TRPV5: variants seen among roughly 807,000 people sequenced by gnomAD.
The protein encoded by TRPV5 is calcium transport protein 2.
In TRPV5, 66 loss-of-function variants were observed where a neutral mutation model predicts 74.1. The ratio of observed to expected loss-of-function variants is 0.89; its 90% CI spans 0.73 to 1.09. TRPV5 has a LOEUF of 1.09. TRPV5 is among the 50% of genes least tolerant of loss of function. The pLI, the probability that TRPV5 is intolerant of heterozygous loss-of-function variation, is 0.00. For missense variants in TRPV5, 936 were observed against 930.4 expected (o/e 1.01, Z -0.08); for synonymous variants, 399 against 360.7 (o/e 1.11, Z -1.20).
At chr7:142,925,877 A>G (rs975362855) in intron 7 of TRPV5, 136 bp from the exon 8 acceptor site, 18 of 763,370 alleles carry the variant, frequency 2.4e-5, no homozygotes, top group South Asian at 5.0e-5. Flanking sequence ...GACAAATAGT[A>G]TATTTCCTGC....
chr7:142,908,894 G>C, intron 14 of TRPV5, 86 bp from the exon 15 acceptor site: 7 of 1,363,356 alleles, frequency 5.1e-6, no homozygotes, highest in Non-Finnish European at 6.0e-6. Context: ...AGAAAGCAGG[G>C]TCAAGAGGGA....
At chr7:142,913,103 T>A (rs972769045) in intron 12 of TRPV5, among the ~76,000 whole-genome samples, 1 of 152,198 alleles carries the variant, frequency 6.6e-6, no homozygotes, top group African/African-American at 2.4e-5. Context: ...GAAAACCAAA[T>A]ACTTAAAAGG....
At chr7:142,925,770 G>T (rs1299789554) in intron 7 of TRPV5, 29 bp from the exon 8 acceptor site, 2 of 1,597,078 alleles carry the variant, frequency 1.3e-6, no homozygotes, top group South Asian at 2.2e-5. Context: ...GAAACTTGGG[G>T]TGACCAACAC....
chr7:142,931,254 G>T (rs1316144690), intron 1 of TRPV5, among the ~76,000 whole-genome samples: 2 of 151,902 alleles, frequency 1.3e-5, no homozygotes, highest in Non-Finnish European at 2.9e-5. Flanking sequence ...GAACTCCTGA[G>T]CTCAGGCAAT....
chr7:142,933,533 G>A lies in TRPV5; in HGVS notation c.-74C>T. On this transcript the variant is annotated 5_prime_UTR_variant, in exon 1 of 15. Transcript: ENST00000265310. ...ACAGGTCTAGGATGACAGCAACTGAGCAAGAGATGGGGTCTATTTGGGGCT... is the reference window on the plus strand; with the variant it reads ...ACAGGTCTAGGATGACAGCAACTGAACAAGAGATGGGGTCTATTTGGGGCT... 6.4e-7 allele frequency: 1 copy of A among 1,555,318 alleles called. No individual in the cohort carries two copies. The highest frequency in any genetic ancestry group is 8.7e-7 in the Non-Finnish European group (1 of 1,151,110).
At chr7:142,910,685 C>A (rs764897335) in intron 13 of TRPV5, among the ~76,000 whole-genome samples, 3 of 152,198 alleles carry the variant, frequency 2.0e-5, no homozygotes, top group Non-Finnish European at 4.4e-5. Context: ...AAGTTCCCTC[C>A]TAGCTCAGGA....
chr7:142,914,772 C>T (rs1011817536), intron 11 of TRPV5, 66 bp from the exon 12 acceptor site: 4 of 1,608,698 alleles, frequency 2.5e-6, no homozygotes, highest in Admixed American at 1.7e-5. Flanking sequence ...GCAGCTAACG[C>T]TAACAGATCA....
Position 142,908,450 on chromosome 7 carries a change from T to C in TRPV5, c.*64A>G, listed in dbSNP as rs1462245963. The C allele has an allele frequency of 1.3e-6, 2 of 1,562,150 alleles. No homozygotes were observed. The highest frequency in any genetic ancestry group is 1.7e-5 in the Admixed American group (1 of 58,662). ...AGTTAGACACTTGCATAGGCAGAGG[T>C]CTCCGTCTCTGTCCCCGCCCCCAGG... On this transcript the variant is annotated 3_prime_UTR_variant, in exon 15 of 15. Coordinates refer to ENST00000265310, the MANE Select transcript of TRPV5 (RefSeq NM_019841.7).
chr7:142,928,916 G>T (rs750001671), intron 5 of TRPV5, 50 bp from the exon 6 acceptor site: 1 of 1,611,876 alleles, frequency 6.2e-7, no homozygotes, highest in Non-Finnish European at 8.5e-7. Flanking sequence ...AGTCCCTGAT[G>T]TCCCCATCCC....
chr7:142,924,313 C>G (rs1181633146), intron 8 of TRPV5, among the ~76,000 whole-genome samples: 3 of 24,326 alleles, frequency 1.2e-4, no homozygotes, highest in African/African-American at 3.1e-4. Context: ...TATATATATA[C>G]ACACATATAC....
chr7:142,912,514 C>T lies in TRPV5; in HGVS notation c.1756G>A (p.Ala586Thr). ...CTCCAGAGCTCATCCCTCTCCTGGG[C>T]CACCCTCCAGTGGGTGTCGCCCATC... ...AMMGDTHWRV[A>T]QERDELWRAQ... The change falls in exon 13 of 15, where the codon GCC becomes ACC. Residue 586 changes from alanine (A) to threonine (T), a missense_variant. Transcript: ENST00000265310. The T allele has an allele frequency of 6.2e-7, 1 of 1,614,168 alleles. No homozygotes were observed. The highest frequency in any genetic ancestry group is 1.7e-4 in the Middle Eastern group (1 of 6,058).
At position 142,930,380 on chromosome 7, in the gene TRPV5, T is replaced by G; in HGVS notation, c.195A>C (p.Leu65=). The change falls in exon 2 of 15, where the codon CTA becomes CTC. Residue 65 remains leucine (L), a synonymous_variant. Coordinates refer to ENST00000265310, the MANE Select transcript of TRPV5 (RefSeq NM_019841.7). ...ENDLSVLRQL[L]LDCTCDVRQR... is the part of the protein sequence containing the mutation. ...GTCGAACGTCACAGGTGCAGTCCAG[T>G]AGAAGTTGCCTAAGAACAGACAGGT... 2 of 1,614,152 alleles carry G rather than the reference T, an allele frequency of 1.2e-6. No homozygotes were observed. Among genetic ancestry groups the G allele is most frequent in the Non-Finnish European group, 8.5e-7 (1 of 1,180,024 alleles).
rs267601353 is a variant in TRPV5 at position 142,908,735 on chromosome 7, C to G, written c.1969G>C (p.Glu657Gln). 6.2e-7 allele frequency: 1 copy of G among 1,614,174 alleles called. No individual in the cohort carries two copies. The highest frequency in any genetic ancestry group is 8.5e-7 in the Non-Finnish European group (1 of 1,180,048). Reference sequence around the variant, plus strand: ...TCAGATGGATGCTCCTGGTCATCCTCCTTGTCTGAGTTCTTGAACACTTCC... The same window carrying G: ...TCAGATGGATGCTCCTGGTCATCCTGCTTGTCTGAGTTCTTGAACACTTCC... ...YVEVFKNSDK[E>Q]DDQEHPSEKQ... is the part of the protein sequence containing the mutation. Residue 657 changes from glutamate (E) to glutamine (Q), a missense_variant, in exon 15 of 15, where the codon GAG becomes CAG. Physicochemically the swap from Glu to Gln is conservative, Grantham distance 29. Coordinates refer to ENST00000265310, the MANE Select transcript of TRPV5 (RefSeq NM_019841.7).
rs1795785799 is a variant in TRPV5, at chr7:142,915,756, A to G, written c.1123-188T>C. Among the ~76,000 whole-genome samples, 4 of 152,348 alleles carry G rather than the reference A, an allele frequency of 2.6e-5. No homozygotes were observed. In the South Asian group the frequency reaches 8.3e-4, roughly 32 times the overall value. On this transcript the variant is annotated intron_variant, in intron 8 of 14. Coordinates refer to ENST00000265310, the MANE Select transcript of TRPV5 (RefSeq NM_019841.7). ...ACCAGGACAGGAGTCTATGTATCCA[A>G]GGTTTAATAGACGTCACATATGCTA...
At position 142,915,298 on chromosome 7, in the gene TRPV5, G is replaced by A; in HGVS notation, c.1286+9C>T. The A allele has an allele frequency of 6.2e-7, 1 of 1,610,142 alleles. No individual in the cohort carries two copies. The highest frequency in any genetic ancestry group is 1.1e-5 in the South Asian group (1 of 90,566). ...GAAAGGCAGGGGGCTGGAATGAGGG[G>A]ATACTCACATGATGACATGGAATGG... is the stretch of plus-strand genomic sequence containing the variant. On this transcript the variant is annotated intron_variant, in intron 10 of 14. Transcript: ENST00000265310.
intron 8 of TRPV5, among the ~76,000 whole-genome samples, chr7:142,923,819 C>T (rs758611857): frequency 2.0e-5 from 3 of 152,122 alleles, no homozygotes; most frequent in Admixed American, 1.3e-4. Context: ...GAAAGAGACA[C>T]ACAGGAAGGA....
chr7:142,915,587 A>G lies in TRPV5; in HGVS notation c.1123-19T>C. 6.2e-7 allele frequency: 1 copy of G among 1,612,464 alleles called. No homozygotes were observed. The highest frequency in any genetic ancestry group is 8.5e-7 in the Non-Finnish European group (1 of 1,178,690). Reference sequence around the variant, plus strand: ...AGGCCTCCTATGTGGGGAAATTCAGAAGAAGTGCTTTCTGATGGGCAGAGT... The same window carrying G: ...AGGCCTCCTATGTGGGGAAATTCAGGAGAAGTGCTTTCTGATGGGCAGAGT... On this transcript the variant is annotated intron_variant, in intron 8 of 14. Coordinates refer to ENST00000265310, the MANE Select transcript of TRPV5 (RefSeq NM_019841.7).
At chr7:142,923,072 T>A (rs756261) in intron 8 of TRPV5, among the ~76,000 whole-genome samples, 116,259 of 152,152 alleles carry the variant, frequency 0.76, 48,387 homozygotes, top group East Asian at 0.96. Flanking sequence ...AGAAAGGATC[T>A]TAGGGGTGAT....
intron 8 of TRPV5, among the ~76,000 whole-genome samples, chr7:142,916,774 C>T (rs1473650467): frequency 2.0e-5 from 3 of 152,172 alleles, no homozygotes; most frequent in African/African-American, 4.8e-5. Flanking sequence ...CACTCACCTG[C>T]CCGGTGAGAG....
Sources: gnomAD v4.1 joint callset for allele counts (sites outside exome capture counted in the v4.1 genomes callset) on GRCh38, gnomAD v4.1.1 for gene constraint, MANE v1.5 for transcripts, NCBI Gene and HGNC (gene_info 2026-07-23, HGNC 2026-07-21) for gene names.